The following MALRD1 variants were observed in gnomAD, a reference collection of about 807,000 sequenced individuals.
MALRD1 encodes MAM and LDL receptor class A domain containing 1.
MALRD1 carries 247 observed loss-of-function variants against 242.1 expected under a neutral mutation model. The ratio of observed to expected loss-of-function variants is 1.02; its 90% confidence interval spans 0.92 to 1.13. The LOEUF is 1.13. Ranked by LOEUF, MALRD1 falls within the 50% of genes most tolerant of loss-of-function variation. The pLI, the probability that MALRD1 is intolerant of heterozygous loss-of-function variation, is 0.00. For missense variants in MALRD1, 2,989 were observed against 2,533.1 expected (o/e 1.18, Z -3.86); for synonymous variants, 995 against 866.6 (o/e 1.15, Z -2.60).
At chr10:19,365,130 A>G (rs185489064) in intron 26 of MALRD1, among the ~76,000 whole-genome samples, 2 of 152,266 alleles carry the variant, frequency 1.3e-5, no homozygotes, top group Admixed American at 6.5e-5. Context: ...TGTTTTCTCT[A>G]TGAAATATAT....
intron 27 of MALRD1, 99 bp downstream of exon 27, chr10:19,387,872 C>A (rs764170530): frequency 7.2e-7 from 1 of 1,391,948 alleles, no homozygotes; most frequent in Non-Finnish European, 9.6e-7. Context: ...AAGAGACCAC[C>A]ACGATGGTAT....
At chr10:19,463,780 A>C (rs987349307) in intron 29 of MALRD1, among the ~76,000 whole-genome samples, 1 of 152,138 alleles carries the variant, frequency 6.6e-6, no homozygotes, top group African/African-American at 2.4e-5. Context: ...TGGTTCTTTA[A>C]GGACTATTCA....
rs1588910407 is a variant in MALRD1, at chr10:19,324,127, T to G, written c.3576+22T>G. On this transcript the variant is annotated intron_variant, in intron 22 of 39. Transcript: ENST00000454679. ...CCAGGTACTGCTTAGGCAATCACATTTTCTGAATTTTCTCTCTAAAAGTTC... is the reference window on the plus strand; with the variant it reads ...CCAGGTACTGCTTAGGCAATCACATGTTCTGAATTTTCTCTCTAAAAGTTC... The G allele has an allele frequency of 2.0e-5, 31 of 1,541,800 alleles. No homozygotes were observed. In the East Asian group the frequency reaches 7.4e-4, roughly 37 times the overall value.
intron 19 of MALRD1, among the ~76,000 whole-genome samples, chr10:19,259,884 T>C (rs1351168410): frequency 6.6e-6 from 1 of 152,142 alleles, no homozygotes; most frequent in Non-Finnish European, 1.5e-5. Context: ...GTGTTATTTT[T>C]CTCCACATCA....
chr10:19,086,112 A>G lies in MALRD1; in HGVS notation c.341-1728A>G, dbSNP rs570874631. ...TAATTCCAGTAAGTATATTCTTAGAATAATTGTGTTATTACAGTTACTTCA... is the reference window on the plus strand; with the variant it reads ...TAATTCCAGTAAGTATATTCTTAGAGTAATTGTGTTATTACAGTTACTTCA... On this transcript the variant is annotated intron_variant, in intron 2 of 39. Transcript: ENST00000454679. Among the ~76,000 whole-genome samples the G allele has an allele frequency of 9.2e-5, 14 of 152,182 alleles. No homozygotes were observed. The East Asian group carries it at 2.1e-3, about 23-fold the overall frequency.
At chr10:19,380,460 A>AT (rs935441815) in intron 26 of MALRD1, among the ~76,000 whole-genome samples, 46 of 151,286 alleles carry the variant, frequency 3.0e-4, no homozygotes, top group Non-Finnish European at 6.0e-4. Context: ...CTTTTGTTTC[A>AT]TTTTTTGCTT....
At chr10:19,096,921 G>T (rs904874353) in intron 4 of MALRD1, among the ~76,000 whole-genome samples, 3 of 152,290 alleles carry the variant, frequency 2.0e-5, no homozygotes, top group Middle Eastern at 3.4e-3. Flanking sequence ...ATCTGTGAAG[G>T]ACTAGGTCTC....
At chr10:19,184,836 C>T (rs1321981903) in intron 14 of MALRD1, among the ~76,000 whole-genome samples, 3 of 152,184 alleles carry the variant, frequency 2.0e-5, no homozygotes, top group African/African-American at 4.8e-5. Flanking sequence ...GCATGAGCTG[C>T]CATGCCTGGC....
chr10:19,478,480 T>A (rs879139039), intron 29 of MALRD1, among the ~76,000 whole-genome samples: 2 of 152,106 alleles, frequency 1.3e-5, no homozygotes, highest in Admixed American at 1.3e-4. Context: ...ACGTATCTCA[T>A]CAATCATGGT....
intron 21 of MALRD1, among the ~76,000 whole-genome samples, chr10:19,315,279 A>C (rs1413040084): frequency 8.5e-4 from 1 of 1,174 alleles, no homozygotes; most frequent in African/African-American, 3.8e-3. Flanking sequence ...ATTTATAGAA[A>C]TATAATTTAT....
At chr10:19,700,473 G>C (rs1369184253) in intron 38 of MALRD1, among the ~76,000 whole-genome samples, 1 of 151,828 alleles carries the variant, frequency 6.6e-6, no homozygotes, top group African/African-American at 2.4e-5. Context: ...TAGACGAACT[G>C]GACCAGGAAG....
At chr10:19,653,785 T>G (rs1374066563) in intron 36 of MALRD1, among the ~76,000 whole-genome samples, 1 of 152,108 alleles carries the variant, frequency 6.6e-6, no homozygotes, top group Non-Finnish European at 1.5e-5. Context: ...AAAGTTATTC[T>G]TTGGTGGTCC....
At chr10:19,341,468 ATATG>A (rs1564577031) in intron 24 of MALRD1, among the ~76,000 whole-genome samples, 1 of 82,894 alleles carries the variant, frequency 1.2e-5, no homozygotes, top group Non-Finnish European at 2.8e-5. Flanking sequence ...ATATATGTAT[ATATG>A]TATATATATG....
chr10:19,172,353 C>T (rs1302255358), intron 13 of MALRD1, among the ~76,000 whole-genome samples: 2 of 151,066 alleles, frequency 1.3e-5, no homozygotes, highest in Admixed American at 6.6e-5. Flanking sequence ...TTTTAAAATT[C>T]GTATGATTTT....
rs1236778094 is a variant in MALRD1 at position 19,100,770 on chromosome 10, C to T, written c.598-3209C>T. On this transcript the variant is annotated intron_variant, in intron 4 of 39. Coordinates refer to ENST00000454679, the MANE Select transcript of MALRD1 (RefSeq NM_001142308.3). ...TTTGTTATGTAAGTTTCTGATTTAT[C>T]AACCCTGAAGAGGAATGGTGTTTTT... 6.6e-5 allele frequency among the ~76,000 whole-genome samples: 10 copies of T among 151,994 alleles called. No individual in the cohort carries two copies. The East Asian group carries it at 1.7e-3, about 27-fold the overall frequency.
intron 26 of MALRD1, among the ~76,000 whole-genome samples, chr10:19,379,765 G>T (rs964865619): frequency 6.6e-6 from 1 of 152,024 alleles, no homozygotes; most frequent in Non-Finnish European, 1.5e-5. Flanking sequence ...CTTGTTTGGT[G>T]TAGTGTTATG....
intron 1 of MALRD1, among the ~76,000 whole-genome samples, 175 bp downstream of exon 1, chr10:19,049,312 TA>T (rs1325933334): frequency 6.6e-6 from 1 of 152,122 alleles, no homozygotes; most frequent in Non-Finnish European, 1.5e-5. Context: ...TGAGTCCATA[TA>T]AAAAAATTAT....
intron 29 of MALRD1, among the ~76,000 whole-genome samples, chr10:19,479,047 G>A (rs1042828977): frequency 6.6e-6 from 1 of 152,180 alleles, no homozygotes; most frequent in Non-Finnish European, 1.5e-5. Context: ...CAATGGTGAA[G>A]CCAGCCCAAG....
chr10:19,333,069 G>A (rs2130927385), intron 24 of MALRD1, among the ~76,000 whole-genome samples: 1 of 151,446 alleles, frequency 6.6e-6, no homozygotes, highest in Middle Eastern at 3.4e-3. Context: ...TTGTCCATGT[G>A]TTCTCATTAG....
Sources: allele counts gnomAD v4.1 joint callset (sites outside exome capture counted in the v4.1 genomes callset), GRCh38; gene constraint gnomAD v4.1.1; transcripts MANE v1.5; gene names NCBI Gene and HGNC (gene_info 2026-07-23, HGNC 2026-07-21).